FARP2: variants seen among roughly 807,000 people sequenced by gnomAD.
FARP2 encodes FERM, ARH/RhoGEF and pleckstrin domain protein 2, also known as FERM, ARHGEF and pleckstrin domain-containing protein 2.
FARP2 carries 111 observed loss-of-function variants against 130.5 expected under a neutral mutation model. The ratio of observed to expected loss-of-function variants is 0.85; its 90% CI spans 0.73 to 1.00. FARP2 has a LOEUF of 1.00. Among genes scored for constraint, FARP2 ranks in the 50% least tolerant of loss-of-function variants. FARP2 has a pLI of 0.00. For missense variants in FARP2, 1,385 were observed against 1,346.3 expected, an observed-to-expected ratio of 1.03 and a Z score of -0.45; for synonymous variants, 504 against 516.9, an observed-to-expected ratio of 0.98 and a Z score of 0.34.
intron 7 of FARP2, among the ~76,000 whole-genome samples, chr2:241,415,128 TTG>T (rs1385113101): frequency 6.6e-6 from 1 of 152,192 alleles, no homozygotes; most frequent in Non-Finnish European, 1.5e-5. Flanking sequence ...GTGGGGCATC[TTG>T]TGTGTGTAAG....
chr2:241,488,751 A>AT (rs1304278389), intron 21 of FARP2: 1 of 152,038 alleles, frequency 6.6e-6, no homozygotes, highest in Non-Finnish European at 1.5e-5. Context: ...TCTCCCCATT[A>AT]TTTGTTGAAT....
intron 13 of FARP2, chr2:241,445,000 T>A (rs560303551): frequency 6.6e-6 from 1 of 152,230 alleles, no homozygotes; most frequent in African/African-American, 2.4e-5. Context: ...CACAGTCACA[T>A]CTCACTGCAG....
At position 241,482,249 on chromosome 2, in the gene FARP2, G is replaced by A. The variant is rs1443624404; in HGVS notation, c.2263-1216G>A. On this transcript the variant is annotated intron_variant, in intron 19 of 26. Transcript: ENST00000264042. The surrounding 1 kb of genome is among the most constrained non-coding windows in gnomAD (Gnocchi z 4.6). ...AGCTTGGTCAAAGGCCCACGGTGCT[G>A]AGCCTCACAGCTGGCAGCGGGGCCA... Among the ~76,000 whole-genome samples, 3 of 152,224 alleles carry A rather than the reference G, an allele frequency of 2.0e-5. No homozygotes were observed. Among genetic ancestry groups the A allele is most frequent in the Non-Finnish European group, 2.9e-5 (2 of 68,044 alleles).
intron 8 of FARP2, among the ~76,000 whole-genome samples, 190 bp downstream of exon 8, chr2:241,418,299 C>G (rs1297781114): frequency 6.6e-6 from 1 of 152,216 alleles, no homozygotes; most frequent in Non-Finnish European, 1.5e-5. Flanking sequence ...TTGTCCTTCT[C>G]TGACACACGT....
At chr2:241,382,602 C>T (rs1166954280) in intron 2 of FARP2, among the ~76,000 whole-genome samples, 1 of 152,166 alleles carries the variant, frequency 6.6e-6, no homozygotes, top group Non-Finnish European at 1.5e-5. Flanking sequence ...TCTTTATACA[C>T]ATTTTTTATT....
chr2:241,444,858 T>TA (rs1193544021), intron 13 of FARP2: 2 of 152,222 alleles, frequency 1.3e-5, no homozygotes, highest in African/African-American at 4.8e-5. Flanking sequence ...AATTCAGTGT[T>TA]ACCCACACTT....
intron 2 of FARP2, among the ~76,000 whole-genome samples, chr2:241,391,627 G>A (rs2061905783): frequency 6.6e-6 from 1 of 152,184 alleles, no homozygotes; most frequent in Non-Finnish European, 1.5e-5. Flanking sequence ...AATTCAAGTA[G>A]GCAGCTAGCA....
At chr2:241,406,849 C>T (rs925379141) in intron 4 of FARP2, among the ~76,000 whole-genome samples, 14 of 152,056 alleles carry the variant, frequency 9.2e-5, no homozygotes, top group Non-Finnish European at 2.1e-4. Flanking sequence ...GCTCTGTCGC[C>T]CAGACTGGAG....
At chr2:241,407,500 C>T (rs377697699) in intron 4 of FARP2, 37 bp from the exon 5 acceptor site, 37 of 1,411,414 alleles carry the variant, frequency 2.6e-5, no homozygotes, top group Middle Eastern at 3.5e-4. Context: ...ATGCAAAGAT[C>T]GGCCTTATTT....
At chr2:241,399,221 G>A (rs999566792) in intron 2 of FARP2, among the ~76,000 whole-genome samples, 5 of 151,982 alleles carry the variant, frequency 3.3e-5, no homozygotes, top group African/African-American at 9.7e-5. Flanking sequence ...TAAGTCTTTC[G>A]GCCCATTTGT....
At chr2:241,358,778 G>GT (rs2061121582) in intron 1 of FARP2, among the ~76,000 whole-genome samples, 1 of 152,112 alleles carries the variant, frequency 6.6e-6, no homozygotes. Context: ...TGACCATAGC[G>GT]TATTTGTCAA....
chr2:241,365,022 C>T (rs996884603), intron 1 of FARP2, among the ~76,000 whole-genome samples: 9 of 152,200 alleles, frequency 5.9e-5, no homozygotes, highest in African/African-American at 2.2e-4. Flanking sequence ...GTTTTCAAGG[C>T]TGTAGTTTCT....
intron 2 of FARP2, among the ~76,000 whole-genome samples, chr2:241,375,166 T>C (rs1323944314): frequency 6.6e-6 from 1 of 152,122 alleles, no homozygotes; most frequent in Non-Finnish European, 1.5e-5. Context: ...TTAGCCAGTA[T>C]GGTCTCGATC....
intron 2 of FARP2, among the ~76,000 whole-genome samples, chr2:241,392,572 T>G (rs2061932831): frequency 6.6e-6 from 1 of 152,198 alleles, no homozygotes; most frequent in Non-Finnish European, 1.5e-5. Flanking sequence ...TGCCAGTTGG[T>G]CTCTTCAGTC....
chr2:241,464,087 C>T, intron 17 of FARP2, 107 bp downstream of exon 17: 1 of 875,988 alleles, frequency 1.1e-6, no homozygotes, highest in Middle Eastern at 2.8e-4. Flanking sequence ...AAAAGGGTCC[C>T]CTCAGAACAG....
chr2:241,446,162 G>A (rs1409479330), intron 13 of FARP2: 3 of 152,116 alleles, frequency 2.0e-5, no homozygotes, highest in Non-Finnish European at 4.4e-5. Flanking sequence ...CTGACTACAC[G>A]AAAAATATGT....
At chr2:241,390,138 G>C (rs74522702) in intron 2 of FARP2, among the ~76,000 whole-genome samples, 2 of 152,216 alleles carry the variant, frequency 1.3e-5, no homozygotes, top group African/African-American at 4.8e-5. Flanking sequence ...TGGCCCCGTG[G>C]CATAGTGCTT....
intron 7 of FARP2, among the ~76,000 whole-genome samples, chr2:241,416,442 T>A (rs2062675710): frequency 6.6e-6 from 1 of 152,220 alleles, no homozygotes; most frequent in South Asian, 2.1e-4. Flanking sequence ...ATCTTATTTC[T>A]TTTGATAATC....
Position 241,475,710 on chromosome 2 carries a change from G to A in FARP2, c.2132-147G>A, listed in dbSNP as rs2064439417. The A allele has an allele frequency of 1.8e-6, 1 of 570,280 alleles. No individual in the cohort carries two copies. The highest frequency in any genetic ancestry group is 2.0e-5 in the African/African-American group (1 of 51,188). The allele number at this position is 570,280 out of a possible 1,614,324, so 35.3% of individuals were successfully genotyped here. On this transcript the variant is annotated intron_variant, in intron 18 of 26. Transcript: ENST00000264042. The surrounding 1 kb of genome is among the most constrained non-coding windows in gnomAD (Gnocchi z 4.4). ...ACCCATCCCTGGTACCAAAAATGTT[G>A]GGGACCGCTGCTATAAGGAGTCGAG...
Sources: gnomAD v4.1 joint callset for allele counts (sites outside exome capture counted in the v4.1 genomes callset) on GRCh38, gnomAD v4.1.1 for gene constraint, Gnocchi (gnomAD v3.1) non-coding constraint, MANE v1.5 for transcripts, NCBI Gene and HGNC (gene_info 2026-07-23, HGNC 2026-07-21) for gene names.